The following ICA1 variants were observed in gnomAD, a reference collection of about 807,000 sequenced individuals.
The protein encoded by ICA1 is islet cell autoantigen 1.
ICA1 carries 40 observed loss-of-function variants against 71.0 expected under a neutral mutation model. The ratio of observed to expected loss-of-function variants is 0.56; its 90% CI spans 0.44 to 0.73. ICA1 has a LOEUF of 0.73. ICA1 is among the 30% of genes least tolerant of loss of function. The probability of loss-of-function intolerance (pLI) is 0.00; values close to 1 mark genes in which losing one functional copy is unlikely to be tolerated. For missense variants in ICA1, 578 were observed against 576.5 expected (o/e 1.00, Z -0.03); for synonymous variants, 207 against 209.5 (o/e 0.99, Z 0.10).
At chr7:8,166,211 C>G (rs6971033) in intron 6 of ICA1, among the ~76,000 whole-genome samples, 150,510 of 152,274 alleles carry the variant, frequency 0.99, 74,384 homozygotes, top group Middle Eastern at 1. Flanking sequence ...ATGAAAAGAA[C>G]CTTCAATTTA....
chr7:8,185,969 G>A (rs1015914070), intron 6 of ICA1, among the ~76,000 whole-genome samples: 14 of 152,194 alleles, frequency 9.2e-5, no homozygotes, highest in African/African-American at 2.9e-4. Context: ...TTCAAGGGTC[G>A]TATTCTGAAA....
rs1802590686 is a variant in ICA1, at chr7:8,158,630, G to T, written c.602C>A (p.Ala201Glu). 1.2e-6 allele frequency: 2 copies of T among 1,613,178 alleles called. No homozygotes were observed. Among genetic ancestry groups the T allele is most frequent in the Non-Finnish European group, 1.7e-6 (2 of 1,179,664 alleles). ...FRKVQTQVRL[A>E]KKNFDKLKMD... ...CTTCAATTTGTCAAAGTTTTTTTTTGCAAGGCGCACTTGTGTTTGTACCTA... is the reference window on the plus strand; with the variant it reads ...CTTCAATTTGTCAAAGTTTTTTTTTTCAAGGCGCACTTGTGTTTGTACCTA... The change falls in exon 7 of 14, where the codon GCA becomes GAA. Residue 201 changes from alanine (A) to glutamate (E), a missense_variant. Transcript: ENST00000402384.
chr7:8,141,286 T>C (rs1008019699), intron 10 of ICA1, among the ~76,000 whole-genome samples: 1 of 152,186 alleles, frequency 6.6e-6, no homozygotes, highest in African/African-American at 2.4e-5. Context: ...AGGGGTTGCT[T>C]GGCACTGGCA....
At chr7:8,152,664 A>ATCTCCTTCAACACCACTACCC (rs1799488399) in intron 8 of ICA1, among the ~76,000 whole-genome samples, 1 of 150,210 alleles carries the variant, frequency 6.7e-6, no homozygotes, top group African/African-American at 2.5e-5. Context: ...CACCACCACC[A>ATCTCCTTCAACACCACTACCC]CCACCATTAT....
At chr7:8,153,483 C>T (rs1234295718) in intron 8 of ICA1, among the ~76,000 whole-genome samples, 1 of 152,122 alleles carries the variant, frequency 6.6e-6, no homozygotes, top group African/African-American at 2.4e-5. Context: ...AAAAGCCACT[C>T]TACTTATGAG....
intron 6 of ICA1, 34 bp from the exon 7 acceptor site, chr7:8,158,686 T>G (rs779682791): frequency 6.2e-6 from 10 of 1,611,142 alleles, no homozygotes; most frequent in Admixed American, 5.0e-5. Flanking sequence ...TGAATCACCC[T>G]AACCCTTAAG....
chr7:8,216,575 A>G (rs1795452742), intron 6 of ICA1, among the ~76,000 whole-genome samples: 1 of 136,422 alleles, frequency 7.3e-6, no homozygotes, highest in Non-Finnish European at 1.5e-5. Flanking sequence ...CACCCCCACA[A>G]AACAAAACCA....
intron 6 of ICA1, among the ~76,000 whole-genome samples, chr7:8,182,293 C>A (rs1360202357): frequency 1.3e-5 from 2 of 152,204 alleles, no homozygotes; most frequent in Non-Finnish European, 2.9e-5. Flanking sequence ...AGACTCCCTG[C>A]ATTTCAATTG....
chr7:8,218,332 G>A lies in ICA1; in HGVS notation c.552C>T (p.Leu184=). The change falls in exon 6 of 14, where the codon CTC becomes CTT. Residue 184 remains leucine, a synonymous_variant. Coordinates refer to ENST00000402384, the MANE Select transcript of ICA1 (RefSeq NM_001136020.3). ...TCCTGAACTTCTCCATTTGCTTGTA[G>A]AGGTCTGGATCAAGCTCCTGAGACA... The part of the protein sequence containing the change: ...KDVSQELDPD[L]YKQMEKFRKV... 6.2e-7 allele frequency: 1 copy of A among 1,614,068 alleles called. No individual in the cohort carries two copies. Among genetic ancestry groups the A allele is most frequent in the Non-Finnish European group, 8.5e-7 (1 of 1,179,966 alleles).
chr7:8,199,583 A>G (rs1209826035), intron 6 of ICA1, among the ~76,000 whole-genome samples: 3 of 152,094 alleles, frequency 2.0e-5, no homozygotes, highest in African/African-American at 7.2e-5. Context: ...GTGTGGTGAC[A>G]GGTGCCTGTA....
intron 6 of ICA1, among the ~76,000 whole-genome samples, chr7:8,197,465 C>A (rs1788049410): frequency 6.7e-6 from 1 of 149,652 alleles, no homozygotes. Context: ...GGGCAGAAGA[C>A]TCACTTGAAC....
At chr7:8,233,189 G>A (rs1800794372) in intron 2 of ICA1, among the ~76,000 whole-genome samples, 1 of 152,192 alleles carries the variant, frequency 6.6e-6, no homozygotes, top group African/African-American at 2.4e-5. Context: ...GCAGAGATAA[G>A]AGGCTGAAGA....
chr7:8,232,470 T>A lies in ICA1; in HGVS notation c.183+120A>T, dbSNP rs955591324. The A allele has an allele frequency of 3.6e-5, 27 of 757,282 alleles. No homozygotes were observed. The African/African-American group carries it at 4.9e-4, about 14-fold the overall frequency. 46.9% of individuals were successfully genotyped at this position (757,282 alleles called of 1,614,324 possible). A position where few individuals can be genotyped will look rare whatever the true frequency, so the allele number is the denominator to read the frequency against. On this transcript the variant is annotated intron_variant, in intron 3 of 13. Coordinates refer to ENST00000402384, the MANE Select transcript of ICA1 (RefSeq NM_001136020.3). ...ATATGCTGGGATTGAGTTTACCTAA[T>A]CCTAGATTTTCCTCATTTTCAAATA...
At chr7:8,235,859 T>C (rs776047381) in intron 2 of ICA1, 51 bp downstream of exon 2, 1 of 1,565,632 alleles carries the variant, frequency 6.4e-7, no homozygotes, top group Admixed American at 1.7e-5. Context: ...ATTGATCATA[T>C]GCTATATGCT....
In ICA1 at chr7:8,149,964, A is replaced by T. The variant is rs4141593; in HGVS notation, c.805-5992T>A. Reference sequence around the variant, plus strand: ...ATACGTACTCTCTTGCTCTCACCGTACACTTACAAATTTATAAAGACACTA... The same window carrying T: ...ATACGTACTCTCTTGCTCTCACCGTTCACTTACAAATTTATAAAGACACTA... On this transcript the variant is annotated intron_variant, in intron 8 of 13. Transcript: ENST00000402384. Among the ~76,000 whole-genome samples, 91 of 152,282 alleles carry T rather than the reference A, an allele frequency of 6.0e-4. No homozygotes were observed. In the Middle Eastern group the frequency reaches 0.014, roughly 23 times the overall value.
At chr7:8,215,089 C>T (rs142130762) in intron 6 of ICA1, among the ~76,000 whole-genome samples, 132 of 152,148 alleles carry the variant, frequency 8.7e-4, no homozygotes, top group African/African-American at 3.1e-3. Flanking sequence ...CTCGCAATCC[C>T]TTCTCCACCT....
Position 8,113,873 on chromosome 7 carries a change from AGGGGAGCTGCTGGGGGCG to A in ICA1, c.*32_*49del, listed in dbSNP as rs756754681. The stretch of plus-strand genomic sequence containing the variant: ...TCACTTTATACTTCTGCTAGCCCCC[AGGGGAGCTGCTGGGGGCG>A]GCATGTGAGTGCCCTCCCGAAGGGT... On this transcript the variant is annotated 3_prime_UTR_variant, in exon 14 of 14. Transcript: ENST00000402384. This position sits in a 1 kb window ranked among gnomAD's most constrained non-coding sequence, Gnocchi z 4.2. 10 of 1,604,356 alleles carry A rather than the reference AGGGGAGCTGCTGGGGGCG, an allele frequency of 6.2e-6. No individual in the cohort carries two copies. In the Admixed American group the frequency reaches 1.7e-4, roughly 27 times the overall value.
intron 13 of ICA1, among the ~76,000 whole-genome samples, chr7:8,119,749 G>A (rs1054262812): frequency 4.6e-5 from 7 of 152,218 alleles, no homozygotes; most frequent in Admixed American, 1.3e-4. Flanking sequence ...AGGAGGTTGA[G>A]GCAGGAGATT....
Position 8,186,778 on chromosome 7 carries a change from T to C in ICA1, c.580-28126A>G, listed in dbSNP as rs369030219. ...ACTCAATTTGATGGGTTCCATTACA[T>C]ATAAGTGACAGGGCCTCAACGTGCC... On this transcript the variant is annotated intron_variant, in intron 6 of 13. Transcript: ENST00000402384. Among the ~76,000 whole-genome samples the C allele has an allele frequency of 1.9e-3, 284 of 152,282 alleles. 3 individuals are homozygous for C. The highest frequency in any genetic ancestry group is 6.1e-3 in the African/African-American group (254 of 41,552).
Sources: allele counts gnomAD v4.1 joint callset (sites outside exome capture counted in the v4.1 genomes callset), GRCh38; gene constraint gnomAD v4.1.1; non-coding constraint Gnocchi (gnomAD v3.1); transcripts MANE v1.5; gene names NCBI Gene and HGNC (gene_info 2026-07-23, HGNC 2026-07-21).